The following EXD3 variants were observed in gnomAD, a reference collection of about 807,000 sequenced individuals.
EXD3 encodes exonuclease 3'-5' domain containing 3.
Under a neutral mutation model 98.0 loss-of-function variants are expected in EXD3, and 92 were observed. That is an observed-to-expected ratio of 0.94 (90% CI 0.79 to 1.12). EXD3 has a LOEUF of 1.12. Among genes scored for constraint, EXD3 ranks in the 50% most tolerant of loss-of-function variants. EXD3 has a pLI of 0.00. For synonymous variants in EXD3, 569 were observed against 526.0 expected, an observed-to-expected ratio of 1.08 and a Z score of -1.12; for missense variants, 1,222 against 1,191.6, an observed-to-expected ratio of 1.03 and a Z score of -0.38.
chr9:137,370,933 G>A (rs374956408), intron 5 of EXD3, among the ~76,000 whole-genome samples: 3 of 152,028 alleles, frequency 2.0e-5, no homozygotes, highest in African/African-American at 2.4e-5. Context: ...ATGAAATATC[G>A]CAGCACATTG....
At chr9:137,352,587 A>G in intron 11 of EXD3, 33 bp downstream of exon 11, 1 of 1,508,154 alleles carries the variant, frequency 6.6e-7, no homozygotes, top group South Asian at 1.3e-5. Flanking sequence ...GGCGGAACCC[A>G]CCCCTGGCTG....
At chr9:137,363,401 G>A (rs1463098582) in intron 7 of EXD3, among the ~76,000 whole-genome samples, 1 of 137,920 alleles carries the variant, frequency 7.3e-6, no homozygotes, top group Middle Eastern at 4.4e-3. Flanking sequence ...GCAGTGGCGT[G>A]ATCTCGGCTC....
In EXD3 at chr9:137,360,441, A is replaced by G. The variant is rs1303213526; in HGVS notation, c.657-4073T>C. On this transcript the variant is annotated intron_variant, in intron 7 of 21. Coordinates refer to ENST00000340951, the MANE Select transcript of EXD3 (RefSeq NM_017820.5). ...CTTCTTCTGTTATTCTCTTTCTTTC[A>G]TCCTTCCTTCCTTTTCTTCTTCTTT... Among the ~76,000 whole-genome samples, 5 of 67,252 alleles carry G rather than the reference A, an allele frequency of 7.4e-5. 2 individuals are homozygous for G. Among genetic ancestry groups the G allele is most frequent in the Admixed American group, 3.9e-4 (2 of 5,138 alleles). 44.1% of individuals were successfully genotyped at this position (67,252 alleles called of 152,430 possible).
chr9:137,339,729 A>C (rs1353168561), intron 17 of EXD3, among the ~76,000 whole-genome samples: 8 of 152,196 alleles, frequency 5.3e-5, no homozygotes, highest in Admixed American at 5.2e-4. Context: ...TCATAACAAA[A>C]ACCTACAGCA....
chr9:137,356,993 A>C (rs1834825739), intron 7 of EXD3, among the ~76,000 whole-genome samples: 1 of 152,204 alleles, frequency 6.6e-6, no homozygotes, highest in South Asian at 2.1e-4. Context: ...GTGCACCTCC[A>C]GGGTCTGTGC....
chr9:137,350,209 T>G (rs1162634179), intron 14 of EXD3, among the ~76,000 whole-genome samples: 1 of 9,374 alleles, frequency 1.1e-4, no homozygotes, highest in Non-Finnish European at 1.8e-4. Flanking sequence ...TAGAGAGGGG[T>G]GGGGATCACG....
intron 9 of EXD3, 82 bp from the exon 10 acceptor site, chr9:137,354,459 C>A: frequency 4.4e-6 from 7 of 1,594,378 alleles, no homozygotes; most frequent in Non-Finnish European, 6.0e-6. Flanking sequence ...TCCTCGACCC[C>A]TGGCAGGGTA....
At chr9:137,334,934 G>GGGCAT (rs1833277828) in intron 17 of EXD3, among the ~76,000 whole-genome samples, 1 of 151,852 alleles carries the variant, frequency 6.6e-6, no homozygotes, top group Admixed American at 6.6e-5. Context: ...AAAATGAGCC[G>GGGCAT]GGCATGGTGG....
chr9:137,311,045 G>A (rs1831331903), intron 19 of EXD3, among the ~76,000 whole-genome samples: 1 of 152,222 alleles, frequency 6.6e-6, no homozygotes, highest in Non-Finnish European at 1.5e-5. Flanking sequence ...GTCTTCCCCT[G>A]AGCCTTTCGA....
Position 137,367,977 on chromosome 9 carries a change from C to A in EXD3, c.475G>T (p.Gly159Cys). The change falls in exon 6 of 22, where the codon GGC becomes TGC. Residue 159 changes from glycine to cysteine, a missense_variant. Physicochemically the swap from Gly to Cys is radical, Grantham distance 159. Transcript: ENST00000340951. ...TCCGACTGCAGCTTCAACGTCGCGC[C>A]CAGCGTGGCTGCCTGGCAAACACAA... ...EGRFREAATLGATLKLQSELG... is the reference protein window; with the variant it reads ...EGRFREAATLCATLKLQSELG... 6.2e-7 allele frequency: 1 copy of A among 1,610,258 alleles called. No individual in the cohort carries two copies. Among genetic ancestry groups the A allele is most frequent in the Non-Finnish European group, 8.5e-7 (1 of 1,179,624 alleles).
At chr9:137,351,172 G>A (rs1042352134) in intron 13 of EXD3, 25 bp from the exon 14 acceptor site, 1 of 1,553,996 alleles carries the variant, frequency 6.4e-7, no homozygotes, top group Non-Finnish European at 8.7e-7. Flanking sequence ...CATCGTGGGA[G>A]GGGCGCCTGC....
chr9:137,378,890 T>C (rs199944652), intron 3 of EXD3, among the ~76,000 whole-genome samples: 1,486 of 141,720 alleles, frequency 0.01, 26 homozygotes, highest in African/African-American at 0.037. Context: ...TGGGTGACGG[T>C]GACCGTTGCC....
intron 17 of EXD3, among the ~76,000 whole-genome samples, chr9:137,332,920 G>A (rs1448282775): frequency 6.6e-6 from 1 of 152,196 alleles, no homozygotes; most frequent in African/African-American, 2.4e-5. Flanking sequence ...TATATTGAGT[G>A]TCAACTGGAT....
At chr9:137,362,611 C>T (rs1835045270) in intron 7 of EXD3, among the ~76,000 whole-genome samples, 1 of 152,058 alleles carries the variant, frequency 6.6e-6, no homozygotes, top group South Asian at 2.1e-4. Flanking sequence ...TCTGCCCCAC[C>T]TTGGCCTCCC....
intron 6 of EXD3, chr9:137,367,479 T>C (rs1564517595): frequency 6.3e-6 from 1 of 158,406 alleles, no homozygotes; most frequent in Non-Finnish European, 1.4e-5. Context: ...AGTCCCATTG[T>C]AGAAGCTTGG....
rs1837772106 is a variant in EXD3, at chr9:137,407,352, G to C, written c.-47-11948C>G. Among the ~76,000 whole-genome samples the C allele has an allele frequency of 1.3e-5, 2 of 152,188 alleles. No homozygotes were observed. The highest frequency in any genetic ancestry group is 1.3e-4 in the Admixed American group (2 of 15,288). The stretch of plus-strand genomic sequence containing the variant: ...CCTCTGTCCGCCTGCCCTAAATACC[G>C]CAGAGGTGACTGCTCCCCCGCGAAG... On this transcript the variant is annotated intron_variant, in intron 1 of 21. Coordinates refer to ENST00000340951, the MANE Select transcript of EXD3 (RefSeq NM_017820.5). The surrounding 1 kb of genome is among the most constrained non-coding windows in gnomAD (Gnocchi z 4.4).
chr9:137,330,802 A>T (rs1241163397), intron 17 of EXD3, among the ~76,000 whole-genome samples: 1 of 152,256 alleles, frequency 6.6e-6, no homozygotes, highest in East Asian at 1.9e-4. Flanking sequence ...GGCCCCAATT[A>T]AAGAACAAGG....
intron 2 of EXD3, among the ~76,000 whole-genome samples, chr9:137,384,163 G>T (rs1836467049): frequency 6.6e-6 from 1 of 152,206 alleles, no homozygotes; most frequent in Non-Finnish European, 1.5e-5. Context: ...AAGCTGCTGG[G>T]CCCCCCTGCA....
At chr9:137,320,005 G>A (rs1831943186) in intron 19 of EXD3, among the ~76,000 whole-genome samples, 1 of 152,360 alleles carries the variant, frequency 6.6e-6, no homozygotes, top group East Asian at 1.9e-4. Flanking sequence ...GCATGGACCA[G>A]CACCCGCTCC....
Sources: gnomAD v4.1 joint callset for allele counts (sites outside exome capture counted in the v4.1 genomes callset) on GRCh38, gnomAD v4.1.1 for gene constraint, Gnocchi (gnomAD v3.1) non-coding constraint, MANE v1.5 for transcripts, NCBI Gene and HGNC (gene_info 2026-07-23, HGNC 2026-07-21) for gene names.